The following MAPK10 variants were observed in gnomAD, a reference collection of about 807,000 sequenced individuals.
The protein encoded by MAPK10 is JNK3 alpha protein kinase.
Under a neutral mutation model 59.3 loss-of-function variants are expected in MAPK10, and 25 were observed. The observed-to-expected ratio is 0.42, with a 90% confidence interval of 0.31 to 0.59. The LOEUF (loss-of-function observed/expected upper bound fraction) is 0.59, where lower values mean the gene tolerates loss of function less well. Ranked by LOEUF, MAPK10 falls within the 20% of genes least tolerant of loss-of-function variation. The probability of loss-of-function intolerance (pLI) is 0.15; values close to 1 mark genes in which losing one functional copy is unlikely to be tolerated. For missense variants in MAPK10, 351 were observed against 568.9 expected, an observed-to-expected ratio of 0.62 and a Z score of 3.90; for synonymous variants, 190 against 200.5, an observed-to-expected ratio of 0.95 and a Z score of 0.44.
chr4:86,221,303 C>T (rs367708943), intron 2 of MAPK10, among the ~76,000 whole-genome samples: 1 of 152,064 alleles, frequency 6.6e-6, no homozygotes, highest in Non-Finnish European at 1.5e-5. Context: ...AGGAGTAATT[C>T]AAAATGTGGG....
chr4:86,233,944 T>C (rs2091927362), intron 2 of MAPK10, among the ~76,000 whole-genome samples: 1 of 152,186 alleles, frequency 6.6e-6, no homozygotes, highest in Admixed American at 6.5e-5. Context: ...AGATAGGACT[T>C]GCAGTGAGAG....
At chr4:86,098,798 GTTTAAAAACCCATTAC>G (rs1430874796) in intron 8 of MAPK10, 10 of 501,234 alleles carry the variant, frequency 2.0e-5, no homozygotes, top group Non-Finnish European at 3.3e-5. Flanking sequence ...TCAAATTAAT[GTTTAAAAACCCATTAC>G]TTTGTGGGTG....
chr4:86,334,751 A>C (rs928733362), intron 2 of MAPK10, among the ~76,000 whole-genome samples: 1 of 61,258 alleles, frequency 1.6e-5, no homozygotes, highest in Non-Finnish European at 3.8e-5. Context: ...CTCATTAAAA[A>C]AACAACAAAA....
intron 1 of MAPK10, among the ~76,000 whole-genome samples, chr4:86,551,367 A>G (rs1759759692): frequency 6.6e-6 from 1 of 152,234 alleles, no homozygotes; most frequent in Admixed American, 6.5e-5. Flanking sequence ...CTGTGATTTT[A>G]GGAACTGCCT....
chr4:86,199,327 G>C (rs988591602), intron 2 of MAPK10, among the ~76,000 whole-genome samples: 2 of 151,902 alleles, frequency 1.3e-5, no homozygotes, highest in African/African-American at 4.8e-5. Flanking sequence ...AATAAATTGT[G>C]GTATTTTCCT....
chr4:86,262,945 C>T (rs185147253), intron 2 of MAPK10, among the ~76,000 whole-genome samples: 15 of 152,288 alleles, frequency 9.8e-5, no homozygotes, highest in Admixed American at 5.9e-4. Flanking sequence ...AGCTTCCTGT[C>T]GTACCAACAA....
chr4:86,064,455 A>G, intron 10 of MAPK10, 65 bp from the exon 11 acceptor site: 1 of 1,511,630 alleles, frequency 6.6e-7, no homozygotes, highest in Non-Finnish European at 9.2e-7. Context: ...TTTGTCAGAG[A>G]GGAAATTTAA....
chr4:86,529,642 A>C (rs1757720367), intron 1 of MAPK10, among the ~76,000 whole-genome samples: 1 of 152,138 alleles, frequency 6.6e-6, no homozygotes, highest in Admixed American at 6.5e-5. Context: ...TAGTCTGTAC[A>C]CATACTCCCC....
intron 1 of MAPK10, among the ~76,000 whole-genome samples, chr4:86,409,728 T>C (rs986173803): frequency 2.0e-5 from 3 of 152,236 alleles, no homozygotes; most frequent in Admixed American, 6.5e-5. Flanking sequence ...ATAGGAATGC[T>C]TGTGATTTTT....
intron 1 of MAPK10, among the ~76,000 whole-genome samples, chr4:86,483,949 G>A (rs1020333688): frequency 6.6e-6 from 1 of 152,166 alleles, no homozygotes; most frequent in African/African-American, 2.4e-5. Flanking sequence ...TGGAATAGGA[G>A]CAAGAGAAGG....
intron 1 of MAPK10, among the ~76,000 whole-genome samples, chr4:86,418,915 C>G (rs1217245355): frequency 1.3e-5 from 2 of 152,110 alleles, no homozygotes; most frequent in African/African-American, 4.8e-5. Context: ...TGAAGTAACT[C>G]AGGAATGGAA....
At chr4:86,441,158 G>A (rs2149047759) in intron 1 of MAPK10, among the ~76,000 whole-genome samples, 1 of 152,274 alleles carries the variant, frequency 6.6e-6, no homozygotes, top group Non-Finnish European at 1.5e-5. Context: ...GCCAGATATA[G>A]GAAATGGGAT....
chr4:86,554,980 C>T (rs910923646), intron 1 of MAPK10, among the ~76,000 whole-genome samples: 2 of 152,248 alleles, frequency 1.3e-5, no homozygotes, highest in East Asian at 1.9e-4. Flanking sequence ...CTTCAGATGC[C>T]CTTTCTTCCT....
At chr4:86,355,918 G>C (rs1734223965) in intron 1 of MAPK10, among the ~76,000 whole-genome samples, 1 of 152,142 alleles carries the variant, frequency 6.6e-6, no homozygotes, top group Non-Finnish European at 1.5e-5. Flanking sequence ...TTTTCAGAAA[G>C]CACATAGGGC....
chr4:86,574,644 A>G (rs1160005952), intron 1 of MAPK10, among the ~76,000 whole-genome samples: 1 of 151,590 alleles, frequency 6.6e-6, no homozygotes, highest in Non-Finnish European at 1.5e-5. Context: ...ATTTGGAGAA[A>G]TGCAATTTTT....
intron 2 of MAPK10, among the ~76,000 whole-genome samples, chr4:86,220,988 G>A (rs546263158): frequency 6.6e-6 from 1 of 151,184 alleles, no homozygotes; most frequent in Non-Finnish European, 1.5e-5. Flanking sequence ...CCTCTCCAAT[G>A]AACATCTTTT....
intron 3 of MAPK10, among the ~76,000 whole-genome samples, chr4:86,177,479 A>G (rs944924020): frequency 6.6e-6 from 1 of 152,152 alleles, no homozygotes; most frequent in African/African-American, 2.4e-5. Context: ...AGTCTTTGAA[A>G]TAGAAACATC....
chr4:86,071,589 C>T (rs1174404091), intron 9 of MAPK10, among the ~76,000 whole-genome samples: 1 of 149,928 alleles, frequency 6.7e-6, no homozygotes, highest in Non-Finnish European at 1.5e-5. Flanking sequence ...AGGAAGGGAT[C>T]CAGTTTCAGC....
rs1741997530 is a variant in MAPK10 at position 86,013,405 on chromosome 4, G to C, written c.*3823C>G. On this transcript the variant is annotated 3_prime_UTR_variant, in exon 14 of 14. Coordinates refer to ENST00000641462, the MANE Select transcript of MAPK10 (RefSeq NM_138982.4). ...AAGTGGCTGAGATCAAAAATTTCTA[G>C]AGCAATTTTACTCCTCTTTCTGAGC... is the stretch of plus-strand genomic sequence containing the variant. 6.6e-6 allele frequency: 1 copy of C among 152,212 alleles called. No individual in the cohort carries two copies. Among genetic ancestry groups the C allele is most frequent in the Non-Finnish European group, 1.5e-5 (1 of 68,014 alleles). The allele number at this position is 152,212 out of a possible 1,614,324, so 9.4% of individuals were successfully genotyped here. A position where few individuals can be genotyped will look rare whatever the true frequency, so the allele number is the denominator to read the frequency against.
Sources: allele counts gnomAD v4.1 joint callset (sites outside exome capture counted in the v4.1 genomes callset), GRCh38; gene constraint gnomAD v4.1.1; transcripts MANE v1.5; gene names NCBI Gene and HGNC (gene_info 2026-07-23, HGNC 2026-07-21).